The following SPAG16 variants were observed in gnomAD, a reference collection of about 807,000 sequenced individuals.
SPAG16 encodes sperm-associated antigen 16 protein.
In SPAG16, 86 loss-of-function variants were observed where a neutral mutation model predicts 80.4. The ratio of observed to expected loss-of-function variants is 1.07; its 90% confidence interval spans 0.90 to 1.28. The LOEUF is 1.28. Ranked by LOEUF, SPAG16 falls within the 50% of genes most tolerant of loss-of-function variation. The pLI, the probability that SPAG16 is intolerant of heterozygous loss-of-function variation, is 0.00. For missense variants in SPAG16, 870 were observed against 765.3 expected (o/e 1.14, Z -1.61); for synonymous variants, 294 against 265.9 (o/e 1.11, Z -1.03).
At position 214,348,220 on chromosome 2, in the gene SPAG16, A is replaced by G. The variant is rs751422493; in HGVS notation, c.1721-61920A>G. Among the ~76,000 whole-genome samples, 80 of 152,244 alleles carry G rather than the reference A, an allele frequency of 5.3e-4. 1 individual carries two copies. Among genetic ancestry groups the G allele is most frequent in the Non-Finnish European group, 1.2e-4 (8 of 68,044 alleles). On this transcript the variant is annotated intron_variant, in intron 15 of 15. Transcript: ENST00000331683. The stretch of plus-strand genomic sequence containing the variant: ...TAAAGCATCTCCTTCACACATGGAC[A>G]TAATTCAGATTATGAGACAAGATTG...
intron 12 of SPAG16, among the ~76,000 whole-genome samples, chr2:213,984,407 C>A (rs1291134428): frequency 1.3e-5 from 2 of 152,130 alleles, no homozygotes; most frequent in African/African-American, 4.8e-5. Flanking sequence ...TCAGAGCCTT[C>A]TCTGTGCTCT....
chr2:213,503,013 A>G (rs959269253), intron 10 of SPAG16, among the ~76,000 whole-genome samples: 1 of 152,246 alleles, frequency 6.6e-6, no homozygotes, highest in African/African-American at 2.4e-5. Context: ...CTTCTTAATA[A>G]GTATGAGTTA....
At chr2:214,011,340 A>C (rs1470338609) in intron 12 of SPAG16, among the ~76,000 whole-genome samples, 1 of 146,396 alleles carries the variant, frequency 6.8e-6, no homozygotes, top group Non-Finnish European at 1.5e-5. Flanking sequence ...AAAGAAAATA[A>C]CTTATTCTGT....
intron 9 of SPAG16, among the ~76,000 whole-genome samples, chr2:213,392,968 A>G (rs1356591185): frequency 6.6e-6 from 1 of 152,214 alleles, no homozygotes; most frequent in Non-Finnish European, 1.5e-5. Context: ...AATAGATAAG[A>G]ATTAAGCCAA....
rs567405007 is a variant in SPAG16, at chr2:213,543,271, T to C, written c.1070+53181T>C. Reference sequence around the variant, plus strand: ...GAATGGTCATTTCATATCTTTTGCCTATTTCTCTATTAGACTCTCAGTACT... The same window carrying C: ...GAATGGTCATTTCATATCTTTTGCCCATTTCTCTATTAGACTCTCAGTACT... On this transcript the variant is annotated intron_variant, in intron 10 of 15. Transcript: ENST00000331683. Among the ~76,000 whole-genome samples the C allele has an allele frequency of 4.6e-5, 7 of 152,136 alleles. No individual in the cohort carries two copies. The South Asian group carries it at 1.4e-3, about 31-fold the overall frequency.
In SPAG16 at chr2:213,640,633, C is replaced by T. The variant is rs1054104945; in HGVS notation, c.1070+150543C>T. Among the ~76,000 whole-genome samples the T allele has an allele frequency of 3.9e-5, 6 of 152,304 alleles. No homozygotes were observed. In the East Asian group the frequency reaches 1.2e-3, roughly 29 times the overall value. On this transcript the variant is annotated intron_variant, in intron 10 of 15. Transcript: ENST00000331683. ...ATCTCCCAGCTGTAAGTACCAGAACCTGCTCTCATGGAGGTAGCAGGAGAG... is the reference window on the plus strand; with the variant it reads ...ATCTCCCAGCTGTAAGTACCAGAACTTGCTCTCATGGAGGTAGCAGGAGAG...
At chr2:213,350,860 A>G (rs923839160) in intron 7 of SPAG16, among the ~76,000 whole-genome samples, 1 of 152,164 alleles carries the variant, frequency 6.6e-6, no homozygotes, top group African/African-American at 2.4e-5. Flanking sequence ...GCAGTGGCTC[A>G]TGCCTGTAAT....
intron 10 of SPAG16, among the ~76,000 whole-genome samples, chr2:213,629,668 C>T (rs1327497793): frequency 6.6e-6 from 1 of 152,226 alleles, no homozygotes; most frequent in African/African-American, 2.4e-5. Flanking sequence ...CCTCATGCCT[C>T]TTTTGCTCTG....
At chr2:213,963,085 A>T (rs2044534830) in intron 12 of SPAG16, among the ~76,000 whole-genome samples, 1 of 101,786 alleles carries the variant, frequency 9.8e-6, no homozygotes. Context: ...CTGAATGCTT[A>T]GTTTGCTCTT....
chr2:214,074,782 AG>A (rs2050984905), intron 13 of SPAG16, among the ~76,000 whole-genome samples: 1 of 152,224 alleles, frequency 6.6e-6, no homozygotes, highest in South Asian at 2.1e-4. Flanking sequence ...ATATATTAAA[AG>A]GCATTAAACA....
chr2:214,282,000 A>G (rs1242843793), intron 15 of SPAG16, among the ~76,000 whole-genome samples: 2 of 152,210 alleles, frequency 1.3e-5, no homozygotes, highest in Non-Finnish European at 2.9e-5. Context: ...TCCTGTAGAG[A>G]GGATTGCAGT....
At chr2:214,046,913 A>T (rs1320924574) in intron 13 of SPAG16, among the ~76,000 whole-genome samples, 2 of 152,112 alleles carry the variant, frequency 1.3e-5, no homozygotes, top group Non-Finnish European at 2.9e-5. Flanking sequence ...TCTGAAAAAA[A>T]AAAACAATTT....
intron 15 of SPAG16, among the ~76,000 whole-genome samples, chr2:214,334,542 G>T (rs1697146703): frequency 6.6e-6 from 1 of 152,122 alleles, no homozygotes; most frequent in South Asian, 2.1e-4. Context: ...TTTATCCTCA[G>T]TTTGTACTGC....
intron 10 of SPAG16, among the ~76,000 whole-genome samples, chr2:213,778,769 A>G (rs2069760186): frequency 6.6e-6 from 1 of 152,110 alleles, no homozygotes; most frequent in Non-Finnish European, 1.5e-5. Context: ...ATCTTCATTA[A>G]TGTAGCTGTT....
At chr2:213,852,095 G>A (rs2074936234) in intron 10 of SPAG16, among the ~76,000 whole-genome samples, 1 of 152,088 alleles carries the variant, frequency 6.6e-6, no homozygotes, top group Non-Finnish European at 1.5e-5. Flanking sequence ...TATTGCATTT[G>A]CATTTCACCT....
intron 10 of SPAG16, among the ~76,000 whole-genome samples, chr2:213,859,165 C>G (rs1177268885): frequency 1.2e-5 from 1 of 86,852 alleles, no homozygotes; most frequent in African/African-American, 4.3e-5. Flanking sequence ...GGCAACAGAG[C>G]GACACTCCGT....
chr2:213,566,416 C>T (rs2059767281), intron 10 of SPAG16, among the ~76,000 whole-genome samples: 1 of 152,048 alleles, frequency 6.6e-6, no homozygotes, highest in African/African-American at 2.4e-5. Flanking sequence ...GTTTCTCTCA[C>T]CCCCTTCAAT....
At chr2:213,879,386 G>GTGT (rs1553652105) in intron 11 of SPAG16, among the ~76,000 whole-genome samples, 1 of 150,410 alleles carries the variant, frequency 6.6e-6, no homozygotes, top group Non-Finnish European at 1.5e-5. Context: ...TATCCATGGG[G>GTGT]GTGTGTGTGT....
At chr2:213,365,660 G>T (rs1287784327) in intron 8 of SPAG16, among the ~76,000 whole-genome samples, 1 of 151,782 alleles carries the variant, frequency 6.6e-6, no homozygotes, top group African/African-American at 2.4e-5. Flanking sequence ...GCTTCACCAT[G>T]TTGGCCAGGC....
Sources: allele counts gnomAD v4.1 joint callset (sites outside exome capture counted in the v4.1 genomes callset), GRCh38; gene constraint gnomAD v4.1.1; transcripts MANE v1.5; gene names NCBI Gene and HGNC (gene_info 2026-07-23, HGNC 2026-07-21).